DOP1A: variants seen among roughly 807,000 people sequenced by gnomAD.
The protein encoded by DOP1A is DOP1 leucine zipper like protein A, also known as protein DOP1A.
Under a neutral mutation model 267.6 loss-of-function variants are expected in DOP1A, and 90 were observed. That is an observed-to-expected ratio of 0.34 (90% CI 0.28 to 0.40). DOP1A has a LOEUF of 0.40. DOP1A is among the 10% of genes least tolerant of loss of function. The pLI is 1.00. For synonymous variants in DOP1A, 932 were observed against 999.1 expected (o/e 0.93, Z 1.27); for missense variants, 2,437 against 2,900.4 (o/e 0.84, Z 3.67).
intron 12 of DOP1A, among the ~76,000 whole-genome samples, chr6:83,123,378 T>G (rs1199572245): frequency 6.6e-6 from 1 of 152,072 alleles, no homozygotes; most frequent in African/African-American, 2.4e-5. Flanking sequence ...CCATTAGAAC[T>G]AATCCATGCT....
intron 1 of DOP1A, among the ~76,000 whole-genome samples, chr6:83,069,519 C>T (rs1785257104): frequency 6.6e-6 from 1 of 152,204 alleles, no homozygotes; most frequent in East Asian, 1.9e-4. Context: ...AAGCTGAGTC[C>T]TCTTCAACTG....
At chr6:83,110,906 TAG>T (rs1293320219) in intron 6 of DOP1A, among the ~76,000 whole-genome samples, 2 of 152,290 alleles carry the variant, frequency 1.3e-5, no homozygotes, top group East Asian at 1.9e-4. Context: ...TCTTACATTG[TAG>T]AGTTACCTGA....
intron 1 of DOP1A, among the ~76,000 whole-genome samples, chr6:83,085,524 C>T (rs1050452373): frequency 6.6e-6 from 1 of 152,106 alleles, no homozygotes; most frequent in African/African-American, 2.4e-5. Context: ...AGAAATCTGT[C>T]ACATAGAGTT....
downstream of DOP1A, chr6:83,169,787 T>C (rs1429483807): frequency 2.2e-6 from 1 of 457,534 alleles, no homozygotes. Context: ...GCACACACTT[T>C]AAGGAGTATG....
At position 83,137,310 on chromosome 6, in the gene DOP1A, C is replaced by T; in HGVS notation, c.3268C>T (p.Pro1090Ser). 1 of 1,613,752 alleles carries T rather than the reference C, an allele frequency of 6.2e-7. No homozygotes were observed. Among genetic ancestry groups the T allele is most frequent in the South Asian group, 1.1e-5 (1 of 91,062 alleles). The change falls in exon 21 of 39, where the codon CCA becomes TCA. Residue 1090 changes from proline (P) to serine (S), a missense_variant. Physicochemically the swap from Pro to Ser is moderately conservative, Grantham distance 74. Transcript: ENST00000349129. The part of the protein sequence containing the change: ...SLLSTSSETI[P>S]MVVSDFDLPD... The stretch of plus-strand genomic sequence containing the variant: ...CCTAAGTACCAGCAGTGAGACAATT[C>T]CAATGGTTGTGTCTGATTTTGATCT...
At chr6:83,072,338 T>C (rs1473088829) in intron 1 of DOP1A, among the ~76,000 whole-genome samples, 2 of 152,044 alleles carry the variant, frequency 1.3e-5, no homozygotes, top group Non-Finnish European at 2.9e-5. Flanking sequence ...ACCTGAGTGG[T>C]GATAAGTTTA....
chr6:83,117,893 C>T (rs1775725343), intron 7 of DOP1A, among the ~76,000 whole-genome samples: 1 of 152,162 alleles, frequency 6.6e-6, no homozygotes, highest in Non-Finnish European at 1.5e-5. Flanking sequence ...TGTTCTGTAT[C>T]ATCTCAGTTA....
downstream of DOP1A, among the ~76,000 whole-genome samples, chr6:83,170,037 G>C (rs1011032846): frequency 3.3e-5 from 5 of 152,144 alleles, no homozygotes; most frequent in Non-Finnish European, 5.9e-5. Context: ...GTATTTATTA[G>C]TTATTCCTGC....
At chr6:83,157,157 T>G (rs1330005051) in intron 34 of DOP1A, 25 bp from the exon 35 acceptor site, 2 of 1,603,256 alleles carry the variant, frequency 1.2e-6, no homozygotes, top group East Asian at 2.2e-5. Context: ...ATTTAGTTAT[T>G]GAAAATGCTC....
At chr6:83,109,196 C>G in intron 5 of DOP1A, 116 bp downstream of exon 5, 3 of 848,700 alleles carry the variant, frequency 3.5e-6, no homozygotes, top group Non-Finnish European at 5.4e-6. Flanking sequence ...TTCAGTATAT[C>G]ACATGAATAT....
Position 83,121,992 on chromosome 6 carries a change from G to C in DOP1A, c.1162G>C (p.Ala388Pro). 1 of 1,611,590 alleles carries C rather than the reference G, an allele frequency of 6.2e-7. No homozygotes were observed. Among genetic ancestry groups the C allele is most frequent in the Non-Finnish European group, 8.5e-7 (1 of 1,178,180 alleles). ...TAGAACATTATATTCTCAATGCAAA[G>C]CAGAGTTGGATCTTCAAACTGAACC... ...VFRTLYSQCK[A>P]ELDLQTEPPF... Residue 388 changes from alanine to proline, a missense_variant, in exon 11 of 39, where the codon GCA becomes CCA. Around this residue, in one of 9 missense-constraint regions of DOP1A, gnomAD observed 498 missense variants for 513.5 expected, o/e 0.97. Coordinates refer to ENST00000349129, the MANE Select transcript of DOP1A (RefSeq NM_015018.4).
intron 7 of DOP1A, among the ~76,000 whole-genome samples, chr6:83,117,244 G>A (rs376930743): frequency 6.6e-6 from 1 of 151,542 alleles, no homozygotes; most frequent in Non-Finnish European, 1.5e-5. Flanking sequence ...TCTGCCTCCA[G>A]GGTTCGAGTG....
intron 1 of DOP1A, among the ~76,000 whole-genome samples, chr6:83,087,932 C>A (rs898945265): frequency 6.6e-6 from 1 of 152,018 alleles, no homozygotes; most frequent in Non-Finnish European, 1.5e-5. Flanking sequence ...AGTGCAGTGG[C>A]GCGATCTCAG....
chr6:83,164,825 A>G (rs1234452960), intron 38 of DOP1A: 1 of 869,490 alleles, frequency 1.2e-6, no homozygotes, highest in East Asian at 2.7e-5. Context: ...GTAAACAGGA[A>G]GGAAGTCTTT....
chr6:83,118,170 T>C (rs913374871), intron 7 of DOP1A, among the ~76,000 whole-genome samples: 1 of 152,218 alleles, frequency 6.6e-6, no homozygotes, highest in African/African-American at 2.4e-5. Flanking sequence ...TCCAAGATTA[T>C]ATTGTAAAGT....
intron 21 of DOP1A, among the ~76,000 whole-genome samples, chr6:83,139,497 A>T (rs776502772): frequency 5.3e-5 from 8 of 152,196 alleles, no homozygotes; most frequent in Non-Finnish European, 8.8e-5. Flanking sequence ...ATCTAAGTGC[A>T]AATCAATTTC....
chr6:83,144,522 A>G (rs1056416896), intron 24 of DOP1A, among the ~76,000 whole-genome samples: 3 of 152,176 alleles, frequency 2.0e-5, no homozygotes, highest in Admixed American at 2.0e-4. Context: ...AAAAACAAAA[A>G]GTTGTACCAT....
intron 35 of DOP1A, among the ~76,000 whole-genome samples, chr6:83,158,003 T>TTTTTTTG (rs1783200668): frequency 6.6e-6 from 1 of 152,082 alleles, no homozygotes; most frequent in South Asian, 2.1e-4. Context: ...TTTTTCCTTT[T>TTTTTTTG]TTTTTTGTTT....
intron 36 of DOP1A, 64 bp from the exon 37 acceptor site, chr6:83,159,732 T>G: frequency 6.3e-7 from 1 of 1,578,596 alleles, no homozygotes; most frequent in Non-Finnish European, 8.7e-7. Flanking sequence ...TACTTTTAGA[T>G]CTTTCCAGGA....
Sources: allele counts gnomAD v4.1 joint callset (sites outside exome capture counted in the v4.1 genomes callset), GRCh38; gene constraint gnomAD v4.1.1; regional missense constraint gnomAD v4.1.1; transcripts MANE v1.5; gene names NCBI Gene and HGNC (gene_info 2026-07-23, HGNC 2026-07-21).